Variants in NSUN3 observed in about 807,000 individuals in gnomAD.
NSUN3 encodes the protein NOP2/Sun RNA methyltransferase 3.
NSUN3 carries 24 observed loss-of-function variants against 36.8 expected under a neutral mutation model. The ratio of observed to expected loss-of-function variants is 0.65; its 90% CI spans 0.47 to 0.92. The LOEUF (loss-of-function observed/expected upper bound fraction) is 0.92. Ranked by LOEUF, NSUN3 falls within the 40% of genes least tolerant of loss-of-function variation. The pLI is 0.00. For missense variants in NSUN3, 381 were observed against 392.8 expected, an observed-to-expected ratio of 0.97 and a Z score of 0.25; for synonymous variants, 146 against 145.2, an observed-to-expected ratio of 1.01 and a Z score of -0.04.
At chr3:94,111,813 T>C (rs2077419165) in intron 5 of NSUN3, among the ~76,000 whole-genome samples, 1 of 151,814 alleles carries the variant, frequency 6.6e-6, no homozygotes, top group Non-Finnish European at 1.5e-5. Flanking sequence ...TGTTTTACAG[T>C]TACCTTTTTT....
intron 5 of NSUN3, among the ~76,000 whole-genome samples, chr3:94,107,953 T>G (rs1310457539): frequency 1.4e-5 from 2 of 146,836 alleles, no homozygotes; most frequent in Non-Finnish European, 3.0e-5. Context: ...AATTACTTGT[T>G]AGCAAAAGCT....
intron 3 of NSUN3, among the ~76,000 whole-genome samples, chr3:94,088,670 CTT>C (rs747748539): frequency 2.7e-4 from 36 of 132,398 alleles, no homozygotes; most frequent in Admixed American, 2.3e-4. Context: ...GGGACAGATC[CTT>C]TTTTTTTTTT....
At chr3:94,092,644 C>T (rs1167900595) in intron 3 of NSUN3, among the ~76,000 whole-genome samples, 2 of 152,054 alleles carry the variant, frequency 1.3e-5, no homozygotes, top group African/African-American at 4.8e-5. Context: ...TGGCTCATGT[C>T]TGTAATCCCA....
chr3:94,088,369 G>T (rs2077301294), intron 3 of NSUN3, among the ~76,000 whole-genome samples: 2 of 151,638 alleles, frequency 1.3e-5, no homozygotes, highest in African/African-American at 4.9e-5. Context: ...AACAACTTTT[G>T]TTATATCCTC....
In NSUN3 at chr3:94,128,081, A is replaced by G. The variant is rs1474583655; in HGVS notation, c.*1591A>G. Reference sequence around the variant, plus strand: ...TACTAAAAATGCAAAAAAATTAGACAGGCATGGTGGCTGGCACCAGCAATC... The same window carrying G: ...TACTAAAAATGCAAAAAAATTAGACGGGCATGGTGGCTGGCACCAGCAATC... On this transcript the variant is annotated 3_prime_UTR_variant, in exon 6 of 6. Transcript: ENST00000314622. The G allele has an allele frequency of 2.0e-5, 3 of 152,094 alleles. No individual in the cohort carries two copies. The highest frequency in any genetic ancestry group is 7.2e-5 in the African/African-American group (3 of 41,410). The allele number at this position is 152,094 out of a possible 1,614,324, so 9.4% of individuals were successfully genotyped here.
chr3:94,129,793 A>C lies in NSUN3; in HGVS notation c.*3303A>C, dbSNP rs1576107089. Among the ~76,000 whole-genome samples the C allele has an allele frequency of 8.7e-6, 1 of 114,978 alleles. No homozygotes were observed. Among genetic ancestry groups the C allele is most frequent in the Admixed American group, 1.3e-4 (1 of 7,590 alleles). The allele number at this position is 114,978 out of a possible 152,430, so 75.4% of individuals were successfully genotyped here. ...GAGACAGAGTCTTGCTCTGTCGCCC[A>C]GGCTGGATGGCGTGCAGTGGCATGA... On this transcript the variant is annotated 3_prime_UTR_variant, in exon 6 of 6. Transcript: ENST00000314622.
chr3:94,063,114 T>C lies in NSUN3; in HGVS notation c.-13T>C. On this transcript the variant is annotated 5_prime_UTR_variant, in exon 1 of 6. Transcript: ENST00000314622. The stretch of plus-strand genomic sequence containing the variant: ...TCGCGTACACCTGTTGTTTGAAAGC[T>C]CTCAGCGGGACAATGCTGACCCAGG... The C allele has an allele frequency of 6.2e-7, 1 of 1,613,952 alleles. No individual in the cohort carries two copies.
chr3:94,082,902 T>A (rs953489936), intron 2 of NSUN3, among the ~76,000 whole-genome samples: 3 of 152,162 alleles, frequency 2.0e-5, no homozygotes, highest in Non-Finnish European at 2.9e-5. Context: ...TACTGTAGAG[T>A]TCACTGTAGT....
At chr3:94,123,552 A>G (rs1317619479) in intron 5 of NSUN3, among the ~76,000 whole-genome samples, 1 of 152,140 alleles carries the variant, frequency 6.6e-6, no homozygotes, top group Non-Finnish European at 1.5e-5. Flanking sequence ...AAATTTAACA[A>G]TGATGGATCT....
At chr3:94,103,758 G>T (rs954569665) in intron 5 of NSUN3, among the ~76,000 whole-genome samples, 4 of 151,990 alleles carry the variant, frequency 2.6e-5, no homozygotes, top group Non-Finnish European at 4.4e-5. Context: ...TTCCTTACAC[G>T]ATCTGATTAA....
At position 94,128,403 on chromosome 3, in the gene NSUN3, G is replaced by T. The variant is rs1016190138; in HGVS notation, c.*1913G>T. ...CAGACACTATAGGTTTTAAAAATAG[G>T]TTTCTTTTATGTAGGTTAATCACAG... On this transcript the variant is annotated 3_prime_UTR_variant, in exon 6 of 6. Coordinates refer to ENST00000314622, the MANE Select transcript of NSUN3 (RefSeq NM_022072.5). The T allele has an allele frequency of 6.6e-6, 1 of 151,582 alleles. No homozygotes were observed. The highest frequency in any genetic ancestry group is 2.4e-5 in the African/African-American group (1 of 41,248). The allele number at this position is 151,582 out of a possible 1,614,324, so 9.4% of individuals were successfully genotyped here.
chr3:94,098,969 A>G (rs529918914), intron 5 of NSUN3, among the ~76,000 whole-genome samples: 110 of 152,154 alleles, frequency 7.2e-4, no homozygotes, highest in African/African-American at 2.6e-3. Flanking sequence ...GGGAGCAGGG[A>G]TTGTTTTATT....
rs2077414939 is a variant in NSUN3 at position 94,111,122 on chromosome 3, T to C, written c.744-15089T>C. Among the ~76,000 whole-genome samples the C allele has an allele frequency of 2.6e-5, 4 of 152,336 alleles. No individual in the cohort carries two copies. The South Asian group carries it at 8.3e-4, about 32-fold the overall frequency. On this transcript the variant is annotated intron_variant, in intron 5 of 5. Coordinates refer to ENST00000314622, the MANE Select transcript of NSUN3 (RefSeq NM_022072.5). ...AAACCTGTACAACAAGTTACTGTAC[T>C]GAATACTGTAGGCAGTTGTAACACA...
chr3:94,094,194 C>T lies in NSUN3; in HGVS notation c.521C>T (p.Thr174Met), dbSNP rs148284323. The part of the protein sequence containing the change: ...DSLRLRWLRQ[T>M]LESFIPQPLI... ...CTGAGATTGAGGTGGCTAAGGCAGA[C>T]GTTGGAATCTTTCATCCCACAGCCT... The change falls in exon 4 of 6, where the codon ACG becomes ATG. Residue 174 changes from threonine (T) to methionine (M), a missense_variant. Transcript: ENST00000314622. 3.1e-5 allele frequency: 50 copies of T among 1,612,714 alleles called. No individual in the cohort carries two copies. The highest frequency in any genetic ancestry group is 3.7e-5 in the Non-Finnish European group (44 of 1,179,206).
At chr3:94,124,095 A>G (rs2077474978) in intron 5 of NSUN3, among the ~76,000 whole-genome samples, 2 of 151,726 alleles carry the variant, frequency 1.3e-5, no homozygotes, top group African/African-American at 4.8e-5. Flanking sequence ...CAAAATAACA[A>G]GACTGTGTGG....
intron 2 of NSUN3, among the ~76,000 whole-genome samples, chr3:94,077,533 G>C (rs957847039): frequency 6.6e-6 from 1 of 152,062 alleles, no homozygotes; most frequent in Non-Finnish European, 1.5e-5. Flanking sequence ...CTCTTTGTAC[G>C]TTTGGTAGAA....
At chr3:94,123,965 G>A (rs569037978) in intron 5 of NSUN3, among the ~76,000 whole-genome samples, 1 of 151,708 alleles carries the variant, frequency 6.6e-6, no homozygotes, top group East Asian at 1.9e-4. Context: ...AAAAAAATGT[G>A]CAAACCTGTA....
At chr3:94,068,597 G>T (rs1223589202) in intron 2 of NSUN3, among the ~76,000 whole-genome samples, 1 of 152,064 alleles carries the variant, frequency 6.6e-6, no homozygotes. Context: ...ATAATTAATG[G>T]ATACTTAATA....
chr3:94,069,297 A>G (rs933748618), intron 2 of NSUN3, among the ~76,000 whole-genome samples: 2 of 152,268 alleles, frequency 1.3e-5, no homozygotes, highest in Non-Finnish European at 2.9e-5. Context: ...ATAGGAAGCC[A>G]TCAGCTCTTC....
Sources: gnomAD v4.1 joint callset for allele counts (sites outside exome capture counted in the v4.1 genomes callset) on GRCh38, gnomAD v4.1.1 for gene constraint, MANE v1.5 for transcripts, NCBI Gene and HGNC (gene_info 2026-07-23, HGNC 2026-07-21) for gene names.